Variants in EPN1 observed in about 807,000 individuals in gnomAD.
The protein encoded by EPN1 is epsin-1.
A neutral mutation model predicts 56.9 loss-of-function variants in EPN1; 25 were observed. The ratio of observed to expected loss-of-function variants is 0.44; its 90% CI spans 0.32 to 0.61. The LOEUF (loss-of-function observed/expected upper bound fraction) is 0.61, where lower values mean the gene tolerates loss of function less well. EPN1 is among the 20% of genes least tolerant of loss of function. The pLI is 0.05. For synonymous variants in EPN1, 411 were observed against 361.8 expected, an observed-to-expected ratio of 1.14 and a Z score of -1.54; for missense variants, 785 against 823.7, an observed-to-expected ratio of 0.95 and a Z score of 0.58.
chr19:55,678,414 G>C, intron 1 of EPN1, 113 bp from the exon 2 acceptor site: 1 of 1,111,102 alleles, frequency 9.0e-7, no homozygotes, highest in Non-Finnish European at 1.2e-6. Flanking sequence ...AGACCTAGAG[G>C]TTAACAAGGG....
At chr19:55,693,505 C>T (rs947068825) in intron 9 of EPN1, 3 of 153,150 alleles carry the variant, frequency 2.0e-5, no homozygotes, top group African/African-American at 7.2e-5. Flanking sequence ...TGCCCTGGCT[C>T]CTTGGGGTTT....
chr19:55,691,146 C>T lies in EPN1; in HGVS notation c.763-608C>T, dbSNP rs942947230. The stretch of plus-strand genomic sequence containing the variant: ...ACAGGACCATGCATGCGTGTGCGTG[C>T]GGCATGGGAAGACCTGCAGTGCGAT... On this transcript the variant is annotated intron_variant, in intron 6 of 10. Transcript: ENST00000270460. This position sits in a 1 kb window ranked among gnomAD's most constrained non-coding sequence, Gnocchi z 5.6. Among the ~76,000 whole-genome samples, 3 of 152,110 alleles carry T rather than the reference C, an allele frequency of 2.0e-5. No individual in the cohort carries two copies. The highest frequency in any genetic ancestry group is 6.5e-5 in the Admixed American group (1 of 15,276).
At position 55,698,196 on chromosome 19, in the gene EPN1, G is replaced by A. The variant is rs1986985302; in HGVS notation, c.*2840G>A. The A allele has an allele frequency of 6.6e-6, 1 of 152,066 alleles. No homozygotes were observed. The highest frequency in any genetic ancestry group is 2.4e-5 in the African/African-American group (1 of 41,348). 9.4% of individuals were successfully genotyped at this position (152,066 alleles called of 1,614,324 possible). A position where few individuals can be genotyped will look rare whatever the true frequency, so the allele number is the denominator to read the frequency against. On this transcript the variant is annotated 3_prime_UTR_variant, in exon 11 of 11. Transcript: ENST00000270460. ...GGATTTTACAAGGGCATGCACGGAT[G>A]GGCCTAGGAGGAGGTTCAGATCCCT...
chr19:55,690,745 A>C (rs1405851728), intron 6 of EPN1, among the ~76,000 whole-genome samples: 1 of 152,110 alleles, frequency 6.6e-6, no homozygotes, highest in Admixed American at 6.5e-5. Context: ...GGCCAGCCCA[A>C]GTTTGAGGGG....
intron 1 of EPN1, chr19:55,677,210 A>G (rs1985495816): frequency 6.6e-7 from 1 of 1,519,128 alleles, no homozygotes; most frequent in Non-Finnish European, 9.0e-7. Context: ...AGGCTGCTCC[A>G]GGAGTAAGGT....
rs1986870394 is a variant in EPN1 at position 55,695,545 on chromosome 19, T to G, written c.*189T>G. ...CCGGAGAGAAACTGGACATGGGGCC[T>G]GGGGAGGGGAGCTGGCCAGAGGAGG... On this transcript the variant is annotated 3_prime_UTR_variant, in exon 11 of 11. Coordinates refer to ENST00000270460, the MANE Select transcript of EPN1 (RefSeq NM_001130072.2). This position sits in a 1 kb window ranked among gnomAD's most constrained non-coding sequence, Gnocchi z 4.4. 1 of 582,692 alleles carries G rather than the reference T, an allele frequency of 1.7e-6. No individual in the cohort carries two copies. The highest frequency in any genetic ancestry group is 3.1e-5 in the Admixed American group (1 of 32,088). 36.1% of individuals were successfully genotyped at this position (582,692 alleles called of 1,614,324 possible).
chr19:55,677,721 TC>T (rs1275209982), intron 1 of EPN1: 4 of 1,547,070 alleles, frequency 2.6e-6, no homozygotes, highest in East Asian at 2.4e-5. Context: ...CCCCGGTTCT[TC>T]CTGCCGCCCT....
At chr19:55,693,577 C>T (rs1201238143) in intron 9 of EPN1, among the ~76,000 whole-genome samples, 2 of 152,230 alleles carry the variant, frequency 1.3e-5, no homozygotes, top group East Asian at 3.9e-4. Flanking sequence ...TCCTGAGTGG[C>T]TCTTCGTCAG....
intron 1 of EPN1, chr19:55,677,596 G>T: frequency 6.4e-7 from 1 of 1,551,278 alleles, no homozygotes; most frequent in Non-Finnish European, 8.7e-7. Flanking sequence ...TGTCCCTCTT[G>T]TGCTGAGCGA....
chr19:55,678,443 C>T (rs976657089), intron 1 of EPN1, 84 bp from the exon 2 acceptor site: 1 of 1,329,416 alleles, frequency 7.5e-7, no homozygotes, highest in African/African-American at 1.5e-5. Context: ...TTCTGGGCCA[C>T]AGTTAGGAAC....
intron 2 of EPN1, among the ~76,000 whole-genome samples, chr19:55,681,892 G>A (rs1172462652): frequency 6.6e-6 from 1 of 151,668 alleles, no homozygotes; most frequent in East Asian, 1.9e-4. Context: ...ACTGAGCCTT[G>A]ACCTCCTGGG....
At chr19:55,683,677 T>C (rs531212448) in intron 2 of EPN1, among the ~76,000 whole-genome samples, 1 of 152,360 alleles carries the variant, frequency 6.6e-6, no homozygotes, top group East Asian at 1.9e-4. Flanking sequence ...TTTCAGTGTA[T>C]GTGGTAGTCC....
chr19:55,681,126 C>G (rs2122169819), intron 2 of EPN1, among the ~76,000 whole-genome samples: 1 of 152,252 alleles, frequency 6.6e-6, no homozygotes, highest in East Asian at 1.9e-4. Context: ...GCCTTATTGT[C>G]CCCGTGGAGA....
In EPN1 at chr19:55,682,784, T is replaced by G. The variant is rs192117996; in HGVS notation, c.229-2612T>G. Among the ~76,000 whole-genome samples the G allele has an allele frequency of 3.8e-3, 556 of 147,304 alleles. 7 individuals are homozygous for G. Among genetic ancestry groups the G allele is most frequent in the Middle Eastern group, 4.3e-3 (1 of 234 alleles). On this transcript the variant is annotated intron_variant, in intron 2 of 10. Coordinates refer to ENST00000270460, the MANE Select transcript of EPN1 (RefSeq NM_001130072.2). ...TTATTTATTTATTTATGAGACGGAGTCTCGCTGTGTTGCCCAGGCTGGAGT... is the reference window on the plus strand; with the variant it reads ...TTATTTATTTATTTATGAGACGGAGGCTCGCTGTGTTGCCCAGGCTGGAGT...
In EPN1 at chr19:55,689,240, C is replaced by T. The variant is rs1250510827; in HGVS notation, c.604-57C>T. 4 of 1,330,082 alleles carry T rather than the reference C, an allele frequency of 3.0e-6. No homozygotes were observed. Among genetic ancestry groups the T allele is most frequent in the Non-Finnish European group, 3.2e-6 (3 of 946,548 alleles). The allele number at this position is 1,330,082 out of a possible 1,614,324, so 82.4% of individuals were successfully genotyped here. On this transcript the variant is annotated intron_variant, in intron 4 of 10. Transcript: ENST00000270460. The surrounding 1 kb of genome is among the most constrained non-coding windows in gnomAD (Gnocchi z 5.7). ...TCGGCTCTATCTGACCCTGGCTCTG[C>T]CTCTGACTCTGCCTCTGGCCCCTCC...
chr19:55,690,927 G>A (rs967165670), intron 6 of EPN1, among the ~76,000 whole-genome samples: 44 of 152,304 alleles, frequency 2.9e-4, no homozygotes, highest in Non-Finnish European at 2.4e-4. Context: ...CTGCCCTGCT[G>A]GGGGAGCACC....
Position 55,689,839 on chromosome 19 carries a change from C to A in EPN1, c.679-28C>A. ...CTGCCCGTGGCTCACGTTCTCATGTCTCCCTGGTCGTGCCCGTGCCCCAAC... is the reference window on the plus strand; with the variant it reads ...CTGCCCGTGGCTCACGTTCTCATGTATCCCTGGTCGTGCCCGTGCCCCAAC... On this transcript the variant is annotated intron_variant, in intron 5 of 10. Transcript: ENST00000270460. The surrounding 1 kb of genome is among the most constrained non-coding windows in gnomAD (Gnocchi z 5.7). 6.3e-7 allele frequency: 1 copy of A among 1,578,610 alleles called. No individual in the cohort carries two copies. Among genetic ancestry groups the A allele is most frequent in the Non-Finnish European group, 8.6e-7 (1 of 1,162,528 alleles).
chr19:55,707,480 A>C lies in EPN1; in HGVS notation c.*12124A>C, dbSNP rs1479100765. On this transcript the variant is annotated 3_prime_UTR_variant, in exon 11 of 11. Coordinates refer to ENST00000270460, the MANE Select transcript of EPN1 (RefSeq NM_001130072.2). Reference sequence around the variant, plus strand: ...CAGTGTCTCTATTTCGGGTAAAGGAAAGACCAAAATAACTTTCCAAGATGA... The same window carrying C: ...CAGTGTCTCTATTTCGGGTAAAGGACAGACCAAAATAACTTTCCAAGATGA... 2.0e-5 allele frequency: 3 copies of C among 152,790 alleles called. No individual in the cohort carries two copies. The highest frequency in any genetic ancestry group is 2.0e-3 in the Middle Eastern group (1 of 488). 9.5% of individuals were successfully genotyped at this position (152,790 alleles called of 1,614,324 possible).
chr19:55,692,325 G>A (rs1477501134), intron 7 of EPN1, among the ~76,000 whole-genome samples: 1 of 151,806 alleles, frequency 6.6e-6, no homozygotes, highest in Non-Finnish European at 1.5e-5. Flanking sequence ...AAGGCAGAGC[G>A]TGTGTGACGT....
Sources: gnomAD v4.1 joint callset for allele counts (sites outside exome capture counted in the v4.1 genomes callset) on GRCh38, gnomAD v4.1.1 for gene constraint, Gnocchi (gnomAD v3.1) non-coding constraint, MANE v1.5 for transcripts, NCBI Gene and HGNC (gene_info 2026-07-23, HGNC 2026-07-21) for gene names.